The following IRS2 variants were observed in gnomAD, a reference collection of about 807,000 sequenced individuals.
IRS2 encodes the protein insulin receptor substrate 2.
Under a neutral mutation model 70.9 loss-of-function variants are expected in IRS2, and 28 were observed. The observed-to-expected ratio is 0.39, with a 90% CI of 0.29 to 0.54. IRS2 has a LOEUF of 0.54. Ranked by LOEUF, IRS2 falls within the 20% of genes least tolerant of loss-of-function variation. IRS2 has a pLI of 0.59. For missense variants in IRS2, 2,081 were observed against 2,024.1 expected, an observed-to-expected ratio of 1.03 and a Z score of -0.54; for synonymous variants, 1,217 against 981.9, an observed-to-expected ratio of 1.24 and a Z score of -4.48.
At chr13:109,775,804 C>T (rs1036405833) in intron 1 of IRS2, among the ~76,000 whole-genome samples, 1 of 138,568 alleles carries the variant, frequency 7.2e-6, no homozygotes, top group Non-Finnish European at 1.6e-5. Context: ...ACACACCAGC[C>T]CCAAATATTT....
intron 1 of IRS2, among the ~76,000 whole-genome samples, chr13:109,781,171 G>A (rs1877687218): frequency 6.6e-6 from 1 of 152,146 alleles, no homozygotes; most frequent in Admixed American, 6.5e-5. Context: ...AGGCCCAACA[G>A]GTAATTTTTC....
chr13:109,756,144 G>T lies in IRS2; in HGVS notation c.*160C>A. 1.5e-6 allele frequency: 1 copy of T among 655,176 alleles called. No individual in the cohort carries two copies. Among genetic ancestry groups the T allele is most frequent in the Non-Finnish European group, 2.8e-6 (1 of 358,312 alleles). 40.6% of individuals were successfully genotyped at this position (655,176 alleles called of 1,614,324 possible). Reference sequence around the variant, plus strand: ...AAGAGGCAGGTGACCTTGCCTTGTTGGTGCCTCATCTAACAGAGTCCACAG... The same window carrying T: ...AAGAGGCAGGTGACCTTGCCTTGTTTGTGCCTCATCTAACAGAGTCCACAG... On this transcript the variant is annotated 3_prime_UTR_variant, in exon 2 of 2. Transcript: ENST00000375856.
rs1198914561 is a variant in IRS2 at position 109,755,887 on chromosome 13, C to G, written c.*417G>C. 2 of 266,306 alleles carry G rather than the reference C, an allele frequency of 7.5e-6. No individual in the cohort carries two copies. The highest frequency in any genetic ancestry group is 1.5e-5 in the Non-Finnish European group (2 of 136,658). The allele number at this position is 266,306 out of a possible 1,614,324, so 16.5% of individuals were successfully genotyped here. On this transcript the variant is annotated 3_prime_UTR_variant, in exon 2 of 2. Transcript: ENST00000375856. ...GTTTTGAGTGTAAGCCAGTAAATAC[C>G]AGATTTTACCACTTCCATAGGTACG...
At chr13:109,781,583 A>G (rs1024954220) in intron 1 of IRS2, among the ~76,000 whole-genome samples, 51 of 152,210 alleles carry the variant, frequency 3.4e-4, no homozygotes, top group African/African-American at 1.2e-3. Context: ...ACCAAGAATC[A>G]GGCGGAGCCC....
In IRS2 at chr13:109,784,015, G is replaced by C; in HGVS notation, c.2039C>G (p.Pro680Arg). 1 of 1,536,612 alleles carries C rather than the reference G, an allele frequency of 6.5e-7. No individual in the cohort carries two copies. Among genetic ancestry groups the C allele is most frequent in the Non-Finnish European group, 8.7e-7 (1 of 1,146,068 alleles). ...CTGCTTGGGGGCGGACACGCTGGCGGGGCTCATGGGCATGTAGTCGTCGCT... is the reference window on the plus strand; with the variant it reads ...CTGCTTGGGGGCGGACACGCTGGCGCGGCTCATGGGCATGTAGTCGTCGCT... ...CRSDDYMPMSPASVSAPKQIL... is the reference protein window; with the variant it reads ...CRSDDYMPMSRASVSAPKQIL... The change falls in exon 1 of 2, where the codon CCC (proline) becomes CGC (arginine). Residue 680 changes from proline to arginine, a missense_variant. Physicochemically the swap from Pro to Arg is moderately radical, Grantham distance 103. Around this residue, in one of 4 missense-constraint regions of IRS2, gnomAD observed 1,615 missense variants for 1,459.5 expected, o/e 1.11. Transcript: ENST00000375856. This position sits in a 1 kb window ranked among gnomAD's most constrained non-coding sequence, Gnocchi z 5.2.
rs564421204 is a variant in IRS2 at position 109,782,781 on chromosome 13, C to T, written c.3273G>A (p.Pro1091=). ...ATPPQPIAAP[P]KPEAARVASP... ...TGGCCACGCGGGCAGCTTCTGGCTT[C>T]GGGGGGGCCGCGATAGGTTGCGGCG... Residue 1091 remains proline, a synonymous_variant, in exon 1 of 2, where the codon CCG becomes CCA. Transcript: ENST00000375856. 14 of 1,602,724 alleles carry T rather than the reference C, an allele frequency of 8.7e-6. No individual in the cohort carries two copies. In the East Asian group the frequency reaches 2.5e-4, roughly 28 times the overall value.
chr13:109,776,520 A>G (rs1877582614), intron 1 of IRS2, among the ~76,000 whole-genome samples: 1 of 152,246 alleles, frequency 6.6e-6, no homozygotes, highest in Non-Finnish European at 1.5e-5. Context: ...CTATTTCAGA[A>G]TTCTTATGTA....
rs772979730 is a variant in IRS2, at chr13:109,785,445, C to T, written c.609G>A (p.Lys203=). The T allele has an allele frequency of 1.6e-5, 26 of 1,611,950 alleles. No individual in the cohort carries two copies. Among genetic ancestry groups the T allele is most frequent in the Non-Finnish European group, 2.1e-5 (25 of 1,179,696 alleles). The change falls in exon 1 of 2, where the codon AAG becomes AAA. Residue 203 remains lysine (K), a synonymous_variant. Coordinates refer to ENST00000375856, the MANE Select transcript of IRS2 (RefSeq NM_003749.3). This position sits in a 1 kb window ranked among gnomAD's most constrained non-coding sequence, Gnocchi z 9.3. Reference sequence around the variant, plus strand: ...TCTTGCTCTGGCCCAGACCCTTGGGCTTCAGGTTCACCTGCCACACCTCAC... The same window carrying T: ...TCTTGCTCTGGCCCAGACCCTTGGGTTTCAGGTTCACCTGCCACACCTCAC... ...AYREVWQVNL[K]PKGLGQSKNL...
Position 109,773,455 on chromosome 13 carries a change from C to T in IRS2, c.4012+8587G>A, listed in dbSNP as rs555416817. Among the ~76,000 whole-genome samples the T allele has an allele frequency of 6.6e-5, 10 of 152,330 alleles. No homozygotes were observed. The South Asian group carries it at 1.7e-3, about 25-fold the overall frequency. On this transcript the variant is annotated intron_variant, in intron 1 of 1. Coordinates refer to ENST00000375856, the MANE Select transcript of IRS2 (RefSeq NM_003749.3). ...GTCTTAGAGACACAGAGAGCAGTGA[C>T]CGAATGCACCCGCTGACTCATCACT...
chr13:109,752,738 C>T lies in IRS2; in HGVS notation c.*3566G>A, dbSNP rs935613291. The T allele has an allele frequency of 6.6e-6, 1 of 152,190 alleles. No individual in the cohort carries two copies. Among genetic ancestry groups the T allele is most frequent in the Non-Finnish European group, 1.5e-5 (1 of 68,044 alleles). The allele number at this position is 152,190 out of a possible 1,614,324, so 9.4% of individuals were successfully genotyped here. A position where few individuals can be genotyped will look rare whatever the true frequency, so the allele number is the denominator to read the frequency against. On this transcript the variant is annotated 3_prime_UTR_variant, in exon 2 of 2. Transcript: ENST00000375856. ...TTATTTGTTCAAAAGATAACACACACATTATTACATGACTATCATTTTAGG... is the reference window on the plus strand; with the variant it reads ...TTATTTGTTCAAAAGATAACACACATATTATTACATGACTATCATTTTAGG...
At chr13:109,778,533 C>T (rs985010183) in intron 1 of IRS2, among the ~76,000 whole-genome samples, 2 of 152,092 alleles carry the variant, frequency 1.3e-5, no homozygotes, top group Non-Finnish European at 2.9e-5. Context: ...AACTAGCACC[C>T]GCCACAGCAA....
chr13:109,785,519 C>T lies in IRS2; in HGVS notation c.535G>A (p.Gly179Arg). The T allele has an allele frequency of 2.5e-6, 4 of 1,600,190 alleles. No homozygotes were observed. The highest frequency in any genetic ancestry group is 1.3e-5 in the African/African-American group (1 of 74,526). The stretch of plus-strand genomic sequence containing the variant: ...ACCAGCCCGTAGCTGTCCTCGGCCC[C>T]GGCGGCGCCGGCAGAGCCGCCCAGG... ...GALGGSAGAA[G>R]AEDSYGLVAP... Residue 179 changes from glycine (G) to arginine (R), a missense_variant, in exon 1 of 2, where the codon GGG becomes AGG. By Grantham distance (125) the Gly-to-Arg change is moderately radical (BLOSUM62 -2). Around this residue, in one of 4 missense-constraint regions of IRS2, gnomAD observed 320 missense variants for 352.9 expected, o/e 0.91. Transcript: ENST00000375856. This position sits in a 1 kb window ranked among gnomAD's most constrained non-coding sequence, Gnocchi z 9.3.
Position 109,753,314 on chromosome 13 carries a change from G to A in IRS2, c.*2990C>T, listed in dbSNP as rs1308859963. 1.3e-5 allele frequency: 2 copies of A among 152,324 alleles called. No homozygotes were observed. The highest frequency in any genetic ancestry group is 4.8e-5 in the African/African-American group (2 of 41,460). The allele number at this position is 152,324 out of a possible 1,614,324, so 9.4% of individuals were successfully genotyped here. On this transcript the variant is annotated 3_prime_UTR_variant, in exon 2 of 2. Transcript: ENST00000375856. The stretch of plus-strand genomic sequence containing the variant: ...GTACATCTTCTGTGTGCATGTCATG[G>A]AGGGAGCATTCTTGATGTACACGTT...
At chr13:109,775,314 T>C (rs1272632857) in intron 1 of IRS2, among the ~76,000 whole-genome samples, 2 of 151,880 alleles carry the variant, frequency 1.3e-5, no homozygotes, top group Non-Finnish European at 2.9e-5. Flanking sequence ...AGATGGGGTT[T>C]CTCCATGTTG....
At position 109,783,424 on chromosome 13, in the gene IRS2, G is replaced by C. The variant is rs775002025; in HGVS notation, c.2630C>G (p.Pro877Arg). Residue 877 changes from proline (P) to arginine (R), a missense_variant, in exon 1 of 2, where the codon CCG becomes CGG. Coordinates refer to ENST00000375856, the MANE Select transcript of IRS2 (RefSeq NM_003749.3). ...PSPVRPSGGRPEGFLGQRGRA... is the reference protein window; with the variant it reads ...PSPVRPSGGRREGFLGQRGRA... ...GCCGCGCTGGCCCAAGAAGCCCTCC[G>C]GGCGGCCGCCGCTAGGCCGCACGGG... 8.7e-6 allele frequency: 13 copies of C among 1,492,868 alleles called. No individual in the cohort carries two copies. The highest frequency in any genetic ancestry group is 1.3e-5 in the South Asian group (1 of 77,894). 92.5% of individuals were successfully genotyped at this position (1,492,868 alleles called of 1,614,324 possible).
At position 109,785,564 on chromosome 13, in the gene IRS2, T is replaced by C. The variant is rs1877894485; in HGVS notation, c.490A>G (p.Ser164Gly). 7.4e-7 allele frequency: 1 copy of C among 1,345,830 alleles called. No individual in the cohort carries two copies. The highest frequency in any genetic ancestry group is 2.0e-5 in the South Asian group (1 of 51,156). 83.4% of individuals were successfully genotyped at this position (1,345,830 alleles called of 1,614,324 possible). ...PPAAAPAASC[S>G]ASLPGALGGS... ...CCCAGGGCGCCGGGCAGGGAGGCGC[T>C]GCAGGACGCGGCGGGCGCGGCGGCG... Residue 164 changes from serine to glycine, a missense_variant, in exon 1 of 2, where the codon AGC (serine) becomes GGC (glycine). By Grantham distance (56) the Ser-to-Gly change is moderately conservative (BLOSUM62 0). Coordinates refer to ENST00000375856, the MANE Select transcript of IRS2 (RefSeq NM_003749.3). This position sits in a 1 kb window ranked among gnomAD's most constrained non-coding sequence, Gnocchi z 9.3.
intron 1 of IRS2, among the ~76,000 whole-genome samples, chr13:109,780,305 G>T (rs559292213): frequency 1.3e-5 from 2 of 152,134 alleles, no homozygotes; most frequent in Non-Finnish European, 2.9e-5. Flanking sequence ...GTTTATAATG[G>T]TCTGTGTCTT....
At chr13:109,756,646 G>GT (rs1326405586) in intron 1 of IRS2, among the ~76,000 whole-genome samples, 1 of 152,186 alleles carries the variant, frequency 6.6e-6, no homozygotes, top group Admixed American at 6.5e-5. Context: ...GTTGCACTGC[G>GT]TGTCTGTGTG....
In IRS2 at chr13:109,782,109, G is replaced by C; in HGVS notation, c.3945C>G (p.Pro1315=). 1 of 1,611,682 alleles carries C rather than the reference G, an allele frequency of 6.2e-7. No individual in the cohort carries two copies. Among genetic ancestry groups the C allele is most frequent in the Non-Finnish European group, 8.5e-7 (1 of 1,179,532 alleles). ...CAATGCTGGCGTAGGTGTTGGCAGG[G>C]GGCAGGGCACCGGGACCCGGCCCCC... ...GCGGPGPGAL[P]PANTYASIDF... Residue 1315 remains proline (P), a synonymous_variant, in exon 1 of 2, where the codon CCC becomes CCG. Coordinates refer to ENST00000375856, the MANE Select transcript of IRS2 (RefSeq NM_003749.3).
Sources: allele counts gnomAD v4.1 joint callset (sites outside exome capture counted in the v4.1 genomes callset), GRCh38; gene constraint gnomAD v4.1.1; regional missense constraint gnomAD v4.1.1; non-coding constraint Gnocchi (gnomAD v3.1); transcripts MANE v1.5; gene names NCBI Gene and HGNC (gene_info 2026-07-23, HGNC 2026-07-21).